Variants in CRTAC1 observed in about 807,000 individuals in gnomAD.
CRTAC1 encodes acidic secreted protein in cartilage.
Under a neutral mutation model 67.8 loss-of-function variants are expected in CRTAC1, and 37 were observed. The observed-to-expected ratio is 0.55, with a 90% confidence interval of 0.42 to 0.72. CRTAC1 has a LOEUF of 0.72. CRTAC1 is among the 30% of genes least tolerant of loss of function. The pLI is 0.00. For synonymous variants in CRTAC1, 348 were observed against 371.0 expected, an observed-to-expected ratio of 0.94 and a Z score of 0.71; for missense variants, 780 against 931.6, an observed-to-expected ratio of 0.84 and a Z score of 2.12.
intron 2 of CRTAC1, among the ~76,000 whole-genome samples, chr10:97,960,086 C>T (rs1348288457): frequency 6.6e-6 from 1 of 152,234 alleles, no homozygotes; most frequent in Non-Finnish European, 1.5e-5. Flanking sequence ...AGTTTAGGTA[C>T]AGTGAGCCCC....
chr10:97,969,070 C>T (rs1311955766), intron 2 of CRTAC1, among the ~76,000 whole-genome samples: 1 of 152,156 alleles, frequency 6.6e-6, no homozygotes, highest in Non-Finnish European at 1.5e-5. Flanking sequence ...GTCAAAAGTG[C>T]CCTCATTTGG....
At chr10:98,020,736 G>C (rs974107356) in intron 1 of CRTAC1, among the ~76,000 whole-genome samples, 1 of 152,240 alleles carries the variant, frequency 6.6e-6, no homozygotes, top group Admixed American at 6.5e-5. Flanking sequence ...TTTGTGTAGT[G>C]CAGTGAGGCT....
rs2050254988 is a variant in CRTAC1, at chr10:97,884,486, A to G, written c.1487-135T>C. 8.4e-6 allele frequency: 7 copies of G among 829,572 alleles called. No homozygotes were observed. In the East Asian group the frequency reaches 1.9e-4, roughly 22 times the overall value. The allele number at this position is 829,572 out of a possible 1,614,324, so 51.4% of individuals were successfully genotyped here. On this transcript the variant is annotated intron_variant, in intron 11 of 14. Transcript: ENST00000370597. Reference sequence around the variant, plus strand: ...TGTTCTAAGTGCTAGGGAAATGGTGAACAAGACAGATTTGAGGTCCCTCCT... The same window carrying G: ...TGTTCTAAGTGCTAGGGAAATGGTGGACAAGACAGATTTGAGGTCCCTCCT...
Position 97,865,595 on chromosome 10 carries a change from G to A in CRTAC1, c.1939C>T (p.Leu647Phe). 1 of 1,613,426 alleles carries A rather than the reference G, an allele frequency of 6.2e-7. No homozygotes were observed. Among genetic ancestry groups the A allele is most frequent in the Non-Finnish European group, 8.5e-7 (1 of 1,179,442 alleles). ...TCCTTAACCACCGACCCCAGATTGAGATCTCCATCTACGAGGACCGGTGCA... is the reference window on the plus strand; with the variant it reads ...TCCTTAACCACCGACCCCAGATTGAAATCTCCATCTACGAGGACCGGTGCA... ...TAAPVLVDGDLNLGSVVKESC... is the reference protein window; with the variant it reads ...TAAPVLVDGDFNLGSVVKESC... Residue 647 changes from leucine to phenylalanine, a missense_variant, in exon 15 of 15, where the codon CTC (leucine) becomes TTC (phenylalanine). Transcript: ENST00000370597.
At chr10:98,008,825 T>C (rs1456620035) in intron 2 of CRTAC1, among the ~76,000 whole-genome samples, 4 of 152,154 alleles carry the variant, frequency 2.6e-5, no homozygotes, top group Admixed American at 2.6e-4. Flanking sequence ...ACGGTTGCCT[T>C]GCCATTCTCT....
intron 4 of CRTAC1, among the ~76,000 whole-genome samples, chr10:97,918,853 G>A (rs960196537): frequency 3.4e-5 from 5 of 149,194 alleles, no homozygotes; most frequent in East Asian, 2.0e-4. Context: ...GTGTGATCTC[G>A]GCTCACTGCA....
rs372116107 is a variant in CRTAC1 at position 97,882,723 on chromosome 10, G to A, written c.1675+63C>T. Reference sequence around the variant, plus strand: ...CACCCTGGACCTTGGCATGAGTCAGGCGGGCATTCCCCAGGGAGATTCCGG... The same window carrying A: ...CACCCTGGACCTTGGCATGAGTCAGACGGGCATTCCCCAGGGAGATTCCGG... On this transcript the variant is annotated intron_variant, in intron 13 of 14. Coordinates refer to ENST00000370597, the MANE Select transcript of CRTAC1 (RefSeq NM_018058.7). 1.6e-4 allele frequency: 248 copies of A among 1,568,952 alleles called. 2 individuals carry two copies. The South Asian group carries it at 1.8e-3, about 12-fold the overall frequency.
intron 2 of CRTAC1, 55 bp from the exon 3 acceptor site, chr10:97,936,421 C>T (rs2136614642): frequency 6.9e-7 from 1 of 1,445,204 alleles, no homozygotes; most frequent in South Asian, 1.3e-5. Flanking sequence ...CCCACCCAGT[C>T]CCATCCAACC....
At chr10:98,010,677 G>A (rs1421711818) in intron 2 of CRTAC1, among the ~76,000 whole-genome samples, 3 of 152,120 alleles carry the variant, frequency 2.0e-5, no homozygotes, top group East Asian at 1.9e-4. Flanking sequence ...CTTTGAAACG[G>A]TTAATTAATG....
intron 14 of CRTAC1, chr10:97,870,436 A>T (rs190673105): frequency 3.0e-4 from 46 of 152,144 alleles, no homozygotes; most frequent in African/African-American, 1.1e-3. Context: ...GATCAAGATT[A>T]CCCTGGGTCG....
chr10:98,016,330 A>C (rs376063677), intron 1 of CRTAC1, among the ~76,000 whole-genome samples: 1 of 152,176 alleles, frequency 6.6e-6, no homozygotes, highest in South Asian at 2.1e-4. Flanking sequence ...GTGTTAAGTA[A>C]GCGCGGGAAT....
chr10:97,897,800 G>T (rs1177307710), intron 8 of CRTAC1, among the ~76,000 whole-genome samples: 1 of 152,222 alleles, frequency 6.6e-6, no homozygotes, highest in Non-Finnish European at 1.5e-5. Context: ...ACAGCCTTGG[G>T]TGCTCTGCCC....
At chr10:97,972,688 G>C (rs200942449) in intron 2 of CRTAC1, among the ~76,000 whole-genome samples, 2 of 152,164 alleles carry the variant, frequency 1.3e-5, no homozygotes, top group Non-Finnish European at 1.5e-5. Flanking sequence ...ATAGGGAAAT[G>C]GTTGCATAAA....
intron 2 of CRTAC1, among the ~76,000 whole-genome samples, chr10:97,989,071 C>T (rs1842376083): frequency 6.6e-6 from 1 of 152,140 alleles, no homozygotes; most frequent in African/African-American, 2.4e-5. Flanking sequence ...AGAGCTGGGG[C>T]ATCTCATCTC....
Position 97,901,607 on chromosome 10 carries a change from G to C in CRTAC1, c.1029C>G (p.Ser343=). Residue 343 remains serine (S), a synonymous_variant, in exon 8 of 15, where the codon TCC becomes TCG. Transcript: ENST00000370597. Reference sequence around the variant, plus strand: ...CGGCGGTGATGACCGTGCGGACAGGGGAGGGCATGGAGAACTTGGGTGAGG... The same window carrying C: ...CGGCGGTGATGACCGTGCGGACAGGCGAGGGCATGGAGAACTTGGGTGAGG... The part of the protein sequence containing the change: ...DIASPKFSMP[S]PVRTVITADF... 6.2e-7 allele frequency: 1 copy of C among 1,614,200 alleles called. No homozygotes were observed. Among genetic ancestry groups the C allele is most frequent in the Non-Finnish European group, 8.5e-7 (1 of 1,180,030 alleles).
At chr10:97,917,924 C>T (rs549143260) in intron 4 of CRTAC1, among the ~76,000 whole-genome samples, 1 of 152,318 alleles carries the variant, frequency 6.6e-6, no homozygotes, top group South Asian at 2.1e-4. Flanking sequence ...ACACCCCTCC[C>T]TCTCCCCCAC....
intron 2 of CRTAC1, among the ~76,000 whole-genome samples, chr10:97,967,555 A>G (rs2051638876): frequency 1.3e-5 from 2 of 152,324 alleles, no homozygotes; most frequent in African/African-American, 2.4e-5. Flanking sequence ...ATATGTGTGT[A>G]TACTAACCCA....
rs1399001218 is a variant in CRTAC1 at position 98,030,254 on chromosome 10, G to T, written c.24+195C>A. The stretch of plus-strand genomic sequence containing the variant: ...GGCCGCCGCCTCACCCCCAGCCCGC[G>T]GGGGAGGCTCCGCGCGCCAATCGAG... On this transcript the variant is annotated intron_variant, in intron 1 of 14. Transcript: ENST00000370597. This position sits in a 1 kb window ranked among gnomAD's most constrained non-coding sequence, Gnocchi z 4.2. Among the ~76,000 whole-genome samples the T allele has an allele frequency of 1.3e-5, 2 of 152,022 alleles. No homozygotes were observed. The highest frequency in any genetic ancestry group is 2.9e-5 in the Non-Finnish European group (2 of 67,960).
chr10:98,005,100 A>ATATATATATTTTTT, intron 2 of CRTAC1, among the ~76,000 whole-genome samples: 1 of 48,884 alleles, frequency 2.0e-5, no homozygotes, highest in East Asian at 4.5e-4. Flanking sequence ...ATATATATAT[A>ATATATATATTTTTT]TTTTTTTTTT....
Sources: gnomAD v4.1 joint callset for allele counts (sites outside exome capture counted in the v4.1 genomes callset) on GRCh38, gnomAD v4.1.1 for gene constraint, Gnocchi (gnomAD v3.1) non-coding constraint, MANE v1.5 for transcripts, NCBI Gene and HGNC (gene_info 2026-07-23, HGNC 2026-07-21) for gene names.